Variants in PLEKHA5 observed in about 807,000 individuals in gnomAD.
The protein encoded by PLEKHA5 is pleckstrin homology domain-containing family A member 5.
PLEKHA5 carries 55 observed loss-of-function variants against 181.9 expected under a neutral mutation model. The ratio of observed to expected loss-of-function variants is 0.30; its 90% confidence interval spans 0.24 to 0.38. The LOEUF (loss-of-function observed/expected upper bound fraction) is 0.38. PLEKHA5 is among the 10% of genes least tolerant of loss of function. The probability of loss-of-function intolerance (pLI) is 1.00; values close to 1 mark genes in which losing one functional copy is unlikely to be tolerated. For missense variants in PLEKHA5, 1,432 were observed against 1,549.5 expected (o/e 0.92, Z 1.27); for synonymous variants, 535 against 529.4 (o/e 1.01, Z -0.15).
At chr12:19,295,795 A>G (rs2079603328) in intron 15 of PLEKHA5, among the ~76,000 whole-genome samples, 1 of 152,194 alleles carries the variant, frequency 6.6e-6, no homozygotes, top group African/African-American at 2.4e-5. Context: ...CCTACTGGTT[A>G]TTAAGGATTT....
chr12:19,373,668 CA>C (rs56978848), intron 31 of PLEKHA5: 16,793 of 116,990 alleles, frequency 0.14, 903 homozygotes, highest in Middle Eastern at 0.27. Flanking sequence ...AACTCTGTCT[CA>C]AAAAAAAAAA....
At chr12:19,139,849 T>C (rs1030048642) in intron 3 of PLEKHA5, among the ~76,000 whole-genome samples, 1 of 152,178 alleles carries the variant, frequency 6.6e-6, no homozygotes, top group Non-Finnish European at 1.5e-5. Context: ...GGTCTTGAGA[T>C]TGGACCACAA....
intron 3 of PLEKHA5, among the ~76,000 whole-genome samples, chr12:19,143,300 T>A (rs1401197049): frequency 6.6e-6 from 1 of 152,240 alleles, no homozygotes; most frequent in Non-Finnish European, 1.5e-5. Context: ...TTGATGGCAT[T>A]TTTTTAAAGT....
chr12:19,187,289 G>A (rs1238175311), intron 3 of PLEKHA5, among the ~76,000 whole-genome samples: 1 of 152,196 alleles, frequency 6.6e-6, no homozygotes, highest in East Asian at 1.9e-4. Flanking sequence ...CATGGTGAAT[G>A]AAAACTGAGG....
chr12:19,180,840 T>G (rs2048369239), intron 3 of PLEKHA5, among the ~76,000 whole-genome samples: 1 of 151,588 alleles, frequency 6.6e-6, no homozygotes, highest in Non-Finnish European at 1.5e-5. Flanking sequence ...CCTGAGACTG[T>G]GCTTTATATG....
intron 27 of PLEKHA5, 90 bp downstream of exon 27, chr12:19,358,527 G>A (rs551202527): frequency 6.5e-6 from 5 of 765,650 alleles, no homozygotes; most frequent in Non-Finnish European, 1.1e-5. Context: ...GGTCTTAAAA[G>A]GTCTGCAGTA....
intron 15 of PLEKHA5, among the ~76,000 whole-genome samples, chr12:19,307,997 A>T (rs2152965337): frequency 6.6e-6 from 1 of 152,282 alleles, no homozygotes; most frequent in South Asian, 2.1e-4. Context: ...AGAAGAGTAA[A>T]GATAGGGAAA....
At chr12:19,144,621 A>G (rs2038391575) in intron 3 of PLEKHA5, among the ~76,000 whole-genome samples, 1 of 152,196 alleles carries the variant, frequency 6.6e-6, no homozygotes, top group South Asian at 2.1e-4. Flanking sequence ...GAGATGATAA[A>G]TAAGTTTCAG....
intron 15 of PLEKHA5, among the ~76,000 whole-genome samples, chr12:19,292,808 G>A (rs192606306): frequency 2.8e-3 from 421 of 152,132 alleles, no homozygotes; most frequent in African/African-American, 9.6e-3. Flanking sequence ...GCATGGTGGT[G>A]TGCACCTGTA....
chr12:19,197,338 T>C (rs1472615427), intron 3 of PLEKHA5, among the ~76,000 whole-genome samples: 1 of 152,160 alleles, frequency 6.6e-6, no homozygotes, highest in Non-Finnish European at 1.5e-5. Context: ...CCAATACTTA[T>C]TTTGGAAAAT....
chr12:19,368,899 T>C (rs931421145), intron 30 of PLEKHA5, among the ~76,000 whole-genome samples: 2 of 152,114 alleles, frequency 1.3e-5, no homozygotes, highest in East Asian at 3.8e-4. Flanking sequence ...CAAAGTGTTA[T>C]GATAGTATTA....
intron 20 of PLEKHA5, among the ~76,000 whole-genome samples, chr12:19,322,954 A>T (rs899799987): frequency 2.6e-5 from 4 of 151,464 alleles, no homozygotes; most frequent in African/African-American, 9.7e-5. Flanking sequence ...CTTGGACTCA[A>T]GTGAGTGCTT....
intron 3 of PLEKHA5, among the ~76,000 whole-genome samples, chr12:19,215,026 A>C (rs1338225998): frequency 6.6e-6 from 1 of 152,082 alleles, no homozygotes; most frequent in Non-Finnish European, 1.5e-5. Context: ...AAAAATAAAA[A>C]ATTAGCTGGG....
At chr12:19,306,783 G>C in intron 15 of PLEKHA5, 1 of 896,364 alleles carries the variant, frequency 1.1e-6, no homozygotes, top group South Asian at 1.3e-5. Context: ...TAAATTCCAT[G>C]ATCCAGACTC....
chr12:19,229,340 C>A (rs934319759), intron 3 of PLEKHA5, among the ~76,000 whole-genome samples: 3 of 152,120 alleles, frequency 2.0e-5, no homozygotes, highest in Non-Finnish European at 2.9e-5. Flanking sequence ...GTGAGTGTTA[C>A]AGTTCTTAAA....
chr12:19,230,833 AG>A (rs1565493943), intron 3 of PLEKHA5, among the ~76,000 whole-genome samples: 1 of 152,162 alleles, frequency 6.6e-6, no homozygotes, highest in Non-Finnish European at 1.5e-5. Context: ...TGGGCTCCTC[AG>A]GCACGGCCAG....
At chr12:19,354,487 T>TG (rs2094813442) in intron 26 of PLEKHA5, among the ~76,000 whole-genome samples, 1 of 139,592 alleles carries the variant, frequency 7.2e-6, no homozygotes, top group South Asian at 2.3e-4. Context: ...AAAAAATTGT[T>TG]TTTTTTTTTT....
intron 3 of PLEKHA5, among the ~76,000 whole-genome samples, chr12:19,188,476 T>A (rs2151929785): frequency 6.6e-6 from 1 of 152,346 alleles, no homozygotes; most frequent in Admixed American, 6.5e-5. Context: ...AAGATAAGAA[T>A]TTAAAACATT....
intron 6 of PLEKHA5, among the ~76,000 whole-genome samples, chr12:19,260,527 C>T (rs2068153970): frequency 6.6e-6 from 1 of 152,114 alleles, no homozygotes; most frequent in Admixed American, 6.6e-5. Flanking sequence ...GGTTATATTA[C>T]ACATGTATCA....
Sources: allele counts gnomAD v4.1 joint callset (sites outside exome capture counted in the v4.1 genomes callset), GRCh38; gene constraint gnomAD v4.1.1; transcripts MANE v1.5; gene names NCBI Gene and HGNC (gene_info 2026-07-23, HGNC 2026-07-21).